CCSER1: variants seen among roughly 807,000 people sequenced by gnomAD.
The protein encoded by CCSER1 is serine-rich coiled-coil domain-containing protein 1.
Under a neutral mutation model 82.0 loss-of-function variants are expected in CCSER1, and 41 were observed. The ratio of observed to expected loss-of-function variants is 0.50; its 90% confidence interval spans 0.39 to 0.65. The LOEUF is 0.65. CCSER1 is among the 30% of genes least tolerant of loss of function. The pLI, the probability that CCSER1 is intolerant of heterozygous loss-of-function variation, is 0.00. For missense variants in CCSER1, 1,119 were observed against 1,064.2 expected, an observed-to-expected ratio of 1.05 and a Z score of -0.72; for synonymous variants, 414 against 383.9, an observed-to-expected ratio of 1.08 and a Z score of -0.92.
chr4:90,810,529 A>T (rs1008110700), intron 7 of CCSER1, among the ~76,000 whole-genome samples: 1 of 151,754 alleles, frequency 6.6e-6, no homozygotes, highest in Admixed American at 6.6e-5. Flanking sequence ...CGTGCCTGTA[A>T]TCCCAGCTAC....
chr4:90,932,897 G>T (rs1334469213), intron 9 of CCSER1, among the ~76,000 whole-genome samples: 1 of 53,416 alleles, frequency 1.9e-5, no homozygotes, highest in Admixed American at 2.2e-4. Flanking sequence ...AAAGAAGGAA[G>T]GAGAAAGAAG....
intron 1 of CCSER1, among the ~76,000 whole-genome samples, chr4:90,245,371 G>C (rs1721233090): frequency 6.6e-6 from 1 of 152,092 alleles, no homozygotes; most frequent in Non-Finnish European, 1.5e-5. Context: ...GGTGTAATTA[G>C]TGTCCTCAGC....
chr4:90,713,892 A>G (rs938660404), intron 6 of CCSER1, among the ~76,000 whole-genome samples: 9 of 151,958 alleles, frequency 5.9e-5, no homozygotes, highest in Non-Finnish European at 1.0e-4. Flanking sequence ...TCAAAAAGAT[A>G]GTGTTCAAGC....
chr4:91,400,081 C>G (rs1752225270), intron 10 of CCSER1, among the ~76,000 whole-genome samples: 1 of 151,960 alleles, frequency 6.6e-6, no homozygotes, highest in African/African-American at 2.4e-5. Flanking sequence ...TTACATCATG[C>G]TAGGGCTAAA....
chr4:90,399,816 G>A (rs1188055494), intron 3 of CCSER1, among the ~76,000 whole-genome samples: 2 of 152,004 alleles, frequency 1.3e-5, no homozygotes, highest in Non-Finnish European at 2.9e-5. Flanking sequence ...AAATGAATGT[G>A]CAGATAATTG....
chr4:90,168,243 T>A (rs1730902925), intron 1 of CCSER1, among the ~76,000 whole-genome samples: 1 of 152,228 alleles, frequency 6.6e-6, no homozygotes. Flanking sequence ...GAGCATTATT[T>A]CATGTGTCTT....
intron 1 of CCSER1, among the ~76,000 whole-genome samples, chr4:90,254,243 C>T (rs1202366799): frequency 6.6e-6 from 1 of 152,154 alleles, no homozygotes; most frequent in Non-Finnish European, 1.5e-5. Context: ...ACCTATAGAG[C>T]ATTAGTTCCT....
chr4:91,229,436 A>C (rs1025854556), intron 10 of CCSER1, among the ~76,000 whole-genome samples: 2 of 152,086 alleles, frequency 1.3e-5, no homozygotes, highest in Non-Finnish European at 2.9e-5. Flanking sequence ...GTTAGTCTTA[A>C]ACTTCTCCCA....
rs534388137 is a variant in CCSER1, at chr4:90,346,977, T to C, written c.1509+33930T>C. ...CCATGAATTAAAGTAGATCAGATTT[T>C]ATAGAAATGTTTCTATGCCCTATGC... On this transcript the variant is annotated intron_variant, in intron 3 of 10. Coordinates refer to ENST00000509176, the MANE Select transcript of CCSER1 (RefSeq NM_001145065.2). 4.6e-5 allele frequency among the ~76,000 whole-genome samples: 7 copies of C among 152,284 alleles called. No individual in the cohort carries two copies. In the East Asian group the frequency reaches 1.2e-3, roughly 25 times the overall value.
intron 9 of CCSER1, among the ~76,000 whole-genome samples, chr4:91,072,768 G>T (rs1252805601): frequency 6.6e-6 from 1 of 151,848 alleles, no homozygotes; most frequent in African/African-American, 2.4e-5. Flanking sequence ...TTTTTCTATG[G>T]CAAAATGGGG....
intron 5 of CCSER1, among the ~76,000 whole-genome samples, chr4:90,528,888 G>A (rs1371817953): frequency 6.6e-6 from 1 of 152,120 alleles, no homozygotes; most frequent in Admixed American, 6.5e-5. Context: ...ATTGAATCAT[G>A]CCTTATCTCA....
chr4:90,354,569 A>G (rs1744084060), intron 3 of CCSER1, among the ~76,000 whole-genome samples: 1 of 152,166 alleles, frequency 6.6e-6, no homozygotes, highest in Admixed American at 6.5e-5. Context: ...GTGTGTATGT[A>G]TATCAAATCA....
At chr4:90,911,193 C>T in intron 8 of CCSER1, 1 of 419,028 alleles carries the variant, frequency 2.4e-6, no homozygotes, top group South Asian at 1.8e-5. Context: ...CCCTTTTTTT[C>T]AAGTTAGCAA....
chr4:90,137,333 G>C (rs535429579), intron 1 of CCSER1, among the ~76,000 whole-genome samples: 1 of 152,262 alleles, frequency 6.6e-6, no homozygotes, highest in East Asian at 1.9e-4. Flanking sequence ...AGGGGAATTG[G>C]AGAGATAGCT....
intron 10 of CCSER1, among the ~76,000 whole-genome samples, chr4:91,392,897 G>C (rs1188879885): frequency 6.6e-6 from 1 of 152,064 alleles, no homozygotes; most frequent in Admixed American, 6.6e-5. Flanking sequence ...TGAAGGGCTT[G>C]TGTAAAGTGA....
intron 8 of CCSER1, among the ~76,000 whole-genome samples, chr4:90,826,442 C>A (rs577000282): frequency 1.4e-3 from 214 of 152,300 alleles, no homozygotes; most frequent in Non-Finnish European, 2.5e-3. Context: ...AGAGTGGTAT[C>A]TGTCCTCAAG....
chr4:90,806,166 G>C (rs1757476130), intron 7 of CCSER1, among the ~76,000 whole-genome samples: 1 of 152,134 alleles, frequency 6.6e-6, no homozygotes, highest in Non-Finnish European at 1.5e-5. Flanking sequence ...ACAAAATGCT[G>C]GGTAGCAAAA....
At chr4:91,582,396 T>G (rs1465802680) in intron 10 of CCSER1, among the ~76,000 whole-genome samples, 1 of 151,600 alleles carries the variant, frequency 6.6e-6, no homozygotes, top group East Asian at 1.9e-4. Flanking sequence ...ATTAAAATGA[T>G]TTTTTGCCTG....
intron 10 of CCSER1, among the ~76,000 whole-genome samples, chr4:91,094,265 C>T (rs1009300762): frequency 5.9e-5 from 9 of 152,148 alleles, no homozygotes; most frequent in African/African-American, 9.7e-5. Context: ...CTGGGGAAGC[C>T]GAGTCCAAGT....
Sources: gnomAD v4.1 joint callset for allele counts (sites outside exome capture counted in the v4.1 genomes callset) on GRCh38, gnomAD v4.1.1 for gene constraint, MANE v1.5 for transcripts, NCBI Gene and HGNC (gene_info 2026-07-23, HGNC 2026-07-21) for gene names.